The following DACH2 variants were observed in gnomAD, a reference collection of about 807,000 sequenced individuals.
DACH2 encodes the protein dachshund family transcription factor 2, also known as dachshund homolog 2.
A neutral mutation model predicts 35.8 loss-of-function variants in DACH2; 17 were observed. That is an observed-to-expected ratio of 0.48 (90% CI 0.33 to 0.71). DACH2 has a LOEUF of 0.71. Ranked by LOEUF, DACH2 falls within the 30% of genes least tolerant of loss-of-function variation. The pLI is 0.02. For synonymous variants in DACH2, 195 were observed against 177.3 expected (o/e 1.10, Z -0.79); for missense variants, 469 against 472.7 (o/e 0.99, Z 0.07).
At chrX:86,686,192 A>G (rs2040940611) in intron 4 of DACH2, among the ~76,000 whole-genome samples, 1 of 111,656 alleles carries the variant, frequency 9.0e-6, no homozygotes, top group Non-Finnish European at 1.9e-5. Flanking sequence ...CACAGCAGAG[A>G]GCTTAGATAG....
intron 4 of DACH2, among the ~76,000 whole-genome samples, chrX:86,659,134 G>A: frequency 9.0e-6 from 1 of 110,811 alleles, no homozygotes; most frequent in Middle Eastern, 4.7e-3. Flanking sequence ...GGAATCAAGC[G>A]AGGCATGCTG....
rs200687898 is a variant in DACH2, at chrX:86,546,320, TTTC to T, written c.640+31945_640+31947del. 2.9e-3 allele frequency among the ~76,000 whole-genome samples: 226 copies of T among 78,732 alleles called. 4 individuals are homozygous for T. The highest frequency in any genetic ancestry group is 9.5e-3 in the African/African-American group (211 of 22,263). The allele number at this position is 78,732 out of a possible 115,157, so 68.4% of individuals were successfully genotyped here. On this transcript the variant is annotated intron_variant, in intron 3 of 11. Coordinates refer to ENST00000373125, the MANE Select transcript of DACH2 (RefSeq NM_053281.3). ...AGAACTCCCCAATACCTCCTACCTC[TTTC>T]TTCTTCTTCTTCTTCCTCTTCTTCT...
At chrX:86,357,955 G>A (rs1319037069) in intron 1 of DACH2, among the ~76,000 whole-genome samples, 1 of 111,893 alleles carries the variant, frequency 8.9e-6, no homozygotes, top group Non-Finnish European at 1.9e-5. Context: ...GAGTTTCAAG[G>A]ACAACTAGAA....
chrX:86,513,756 A>G (rs1242717263), intron 2 of DACH2, among the ~76,000 whole-genome samples: 5 of 112,044 alleles, frequency 4.5e-5, no homozygotes, highest in Non-Finnish European at 9.4e-5. Flanking sequence ...AACAAAACCT[A>G]CTGAGGGTGG....
At chrX:86,655,890 G>A (rs1324297340) in intron 4 of DACH2, among the ~76,000 whole-genome samples, 1 of 111,185 alleles carries the variant, frequency 9.0e-6, no homozygotes, top group Non-Finnish European at 1.9e-5. Flanking sequence ...CTTTGAAGGA[G>A]AGAAATTGGA....
intron 2 of DACH2, among the ~76,000 whole-genome samples, chrX:86,416,045 G>C (rs1475510190): frequency 8.9e-6 from 1 of 112,045 alleles, no homozygotes; most frequent in African/African-American, 3.2e-5. Flanking sequence ...TATTGAGAAA[G>C]AGGTAGGGGA....
At chrX:86,688,150 C>G (rs2040969951) in intron 4 of DACH2, among the ~76,000 whole-genome samples, 1 of 112,029 alleles carries the variant, frequency 8.9e-6, no homozygotes, top group Non-Finnish European at 1.9e-5. Flanking sequence ...TTCTTAGAAC[C>G]CTTTGAAGGT....
intron 3 of DACH2, among the ~76,000 whole-genome samples, chrX:86,530,974 A>G (rs1439983473): frequency 1.8e-5 from 2 of 112,133 alleles, no homozygotes; most frequent in East Asian, 5.7e-4. Context: ...TAAGAGACTG[A>G]AAGCATTGTG....
chrX:86,300,235 GA>G (rs149517354), intron 1 of DACH2, among the ~76,000 whole-genome samples: 3,161 of 106,944 alleles, frequency 0.03, 48 homozygotes, highest in African/African-American at 0.042. Flanking sequence ...ACTTCTTTGC[GA>G]AAAAAAAAAT....
chrX:86,567,100 G>C (rs2039302755), intron 3 of DACH2, among the ~76,000 whole-genome samples: 1 of 111,273 alleles, frequency 9.0e-6, no homozygotes, highest in African/African-American at 3.3e-5. Flanking sequence ...TTGGATATTT[G>C]GTAAGTAAAG....
intron 3 of DACH2, among the ~76,000 whole-genome samples, chrX:86,536,618 T>G (rs1237627763): frequency 9.1e-6 from 1 of 110,358 alleles, no homozygotes; most frequent in Non-Finnish European, 1.9e-5. Context: ...GCTCAACTCT[T>G]TCAATGAATT....
At chrX:86,173,182 T>C (rs2031181541) in intron 1 of DACH2, among the ~76,000 whole-genome samples, 1 of 111,741 alleles carries the variant, frequency 8.9e-6, no homozygotes, top group Non-Finnish European at 1.9e-5. Flanking sequence ...CAAATAGTTA[T>C]CGGGTGTACT....
intron 3 of DACH2, among the ~76,000 whole-genome samples, chrX:86,579,691 A>T (rs2039478788): frequency 8.9e-6 from 1 of 112,182 alleles, no homozygotes; most frequent in Non-Finnish European, 1.9e-5. Context: ...TCTTTTCAGT[A>T]TGGATCTTGT....
intron 3 of DACH2, among the ~76,000 whole-genome samples, chrX:86,641,211 A>C (rs766777824): frequency 4.5e-5 from 5 of 112,048 alleles, no homozygotes; most frequent in Non-Finnish European, 7.5e-5. Context: ...AATCACAATA[A>C]AGTGATACAG....
At chrX:86,303,017 G>C (rs966438928) in intron 1 of DACH2, among the ~76,000 whole-genome samples, 1 of 105,228 alleles carries the variant, frequency 9.5e-6, no homozygotes, top group African/African-American at 3.5e-5. Context: ...TTGCAGATGA[G>C]AAACTGAAGC....
At chrX:86,720,673 A>G (rs2041395058) in intron 6 of DACH2, among the ~76,000 whole-genome samples, 3 of 111,827 alleles carry the variant, frequency 2.7e-5, no homozygotes, top group Admixed American at 9.4e-5. Flanking sequence ...GCATGGTGAA[A>G]GCTGTTGGTG....
chrX:86,737,435 T>C (rs1218132777), intron 6 of DACH2, among the ~76,000 whole-genome samples: 1 of 112,209 alleles, frequency 8.9e-6, no homozygotes, highest in Non-Finnish European at 1.9e-5. Context: ...TTAGCATATA[T>C]TGTAGCTAAT....
At chrX:86,574,643 G>T (rs895261863) in intron 3 of DACH2, among the ~76,000 whole-genome samples, 1 of 111,587 alleles carries the variant, frequency 9.0e-6, no homozygotes, top group Non-Finnish European at 1.9e-5. Context: ...AAAACTTTAA[G>T]TATTTTAAAT....
rs190126074 is a variant in DACH2, at chrX:86,555,478, T to C, written c.640+41087T>C. 4.5e-5 allele frequency among the ~76,000 whole-genome samples: 5 copies of C among 111,727 alleles called. No homozygotes were observed. In the East Asian group the frequency reaches 1.4e-3, roughly 32 times the overall value. ...TCTAATTTCTATCATCCTGTAGTTT[T>C]GTACAATTTAAAGCATAATTTATAT... On this transcript the variant is annotated intron_variant, in intron 3 of 11. Coordinates refer to ENST00000373125, the MANE Select transcript of DACH2 (RefSeq NM_053281.3).
Sources: allele counts gnomAD v4.1 joint callset (sites outside exome capture counted in the v4.1 genomes callset), GRCh38; gene constraint gnomAD v4.1.1; transcripts MANE v1.5; gene names NCBI Gene and HGNC (gene_info 2026-07-23, HGNC 2026-07-21).